Variants in PDE3A observed in about 807,000 individuals in gnomAD.
PDE3A encodes the protein phosphodiesterase 3A, also known as cGMP-inhibited 3',5'-cyclic phosphodiesterase 3A.
Under a neutral mutation model 98.3 loss-of-function variants are expected in PDE3A, and 43 were observed. The ratio of observed to expected loss-of-function variants is 0.44; its 90% CI spans 0.34 to 0.56. The LOEUF (loss-of-function observed/expected upper bound fraction) is 0.56, where lower values mean the gene tolerates loss of function less well. PDE3A is among the 20% of genes least tolerant of loss of function. PDE3A has a pLI of 0.01. For missense variants in PDE3A, 1,427 were observed against 1,440.7 expected, an observed-to-expected ratio of 0.99 and a Z score of 0.15; for synonymous variants, 663 against 567.9, an observed-to-expected ratio of 1.17 and a Z score of -2.38.
At chr12:20,433,217 C>G (rs908163416) in intron 1 of PDE3A, among the ~76,000 whole-genome samples, 1 of 152,104 alleles carries the variant, frequency 6.6e-6, no homozygotes, top group African/African-American at 2.4e-5. Flanking sequence ...TGGTGGGACA[C>G]AGCAGACCTG....
intron 4 of PDE3A, among the ~76,000 whole-genome samples, chr12:20,618,039 T>C (rs1427856251): frequency 6.6e-6 from 1 of 152,168 alleles, no homozygotes; most frequent in Non-Finnish European, 1.5e-5. Context: ...TCTCATTCTC[T>C]CATTCCTGAA....
intron 1 of PDE3A, among the ~76,000 whole-genome samples, chr12:20,373,967 G>T (rs551311212): frequency 2.6e-5 from 4 of 152,230 alleles, no homozygotes; most frequent in South Asian, 4.1e-4. Flanking sequence ...ATTCCTAAAT[G>T]CCTGTCAATG....
intron 1 of PDE3A, among the ~76,000 whole-genome samples, chr12:20,393,254 T>C (rs1195242137): frequency 6.6e-6 from 1 of 151,934 alleles, no homozygotes; most frequent in Non-Finnish European, 1.5e-5. Context: ...CTCACAATCA[T>C]GGCAGAAGGC....
intron 1 of PDE3A, among the ~76,000 whole-genome samples, chr12:20,524,625 C>T (rs965490865): frequency 6.6e-6 from 1 of 151,712 alleles, no homozygotes; most frequent in Non-Finnish European, 1.5e-5. Context: ...ATATGCATAT[C>T]ATTTAAAAAT....
intron 2 of PDE3A, among the ~76,000 whole-genome samples, chr12:20,611,161 A>G (rs1565448487): frequency 6.6e-6 from 1 of 151,892 alleles, no homozygotes. Context: ...TCAAGTATAC[A>G]CAATACAAAT....
intron 1 of PDE3A, among the ~76,000 whole-genome samples, chr12:20,461,049 C>T (rs10770663): frequency 0.36 from 54,777 of 151,682 alleles, 10,249 homozygotes; most frequent in East Asian, 0.66. Flanking sequence ...TTACATGCAA[C>T]GAGATATGCT....
At chr12:20,442,597 C>T (rs1028909556) in intron 1 of PDE3A, among the ~76,000 whole-genome samples, 15 of 152,190 alleles carry the variant, frequency 9.9e-5, no homozygotes, top group African/African-American at 2.6e-4. Context: ...AAGTGGGAGA[C>T]GCACGGAAAT....
chr12:20,458,597 G>A (rs1294410477), intron 1 of PDE3A, among the ~76,000 whole-genome samples: 1 of 152,096 alleles, frequency 6.6e-6, no homozygotes, highest in Non-Finnish European at 1.5e-5. Context: ...ACTACTATAA[G>A]CAGAAAAAAC....
chr12:20,537,529 A>G (rs778445127), intron 1 of PDE3A, among the ~76,000 whole-genome samples: 16 of 152,252 alleles, frequency 1.1e-4, no homozygotes, highest in East Asian at 5.8e-4. Context: ...AATTACAGCT[A>G]TAACATTTTG....
intron 2 of PDE3A, among the ~76,000 whole-genome samples, chr12:20,569,164 A>C (rs1942733321): frequency 6.6e-6 from 1 of 152,074 alleles, no homozygotes; most frequent in Admixed American, 6.6e-5. Flanking sequence ...CAAATATGCT[A>C]ACTTTGGTAA....
intron 6 of PDE3A, among the ~76,000 whole-genome samples, chr12:20,631,283 A>G (rs984045131): frequency 2.0e-5 from 3 of 152,174 alleles, no homozygotes; most frequent in Admixed American, 2.0e-4. Context: ...GTTCTGTAGT[A>G]AAATATTCAG....
intron 15 of PDE3A, among the ~76,000 whole-genome samples, 180 bp downstream of exon 15, chr12:20,654,385 TATA>T (rs1275249190): frequency 3.9e-5 from 6 of 152,226 alleles, no homozygotes; most frequent in Admixed American, 6.5e-5. Context: ...CTATGGAATC[TATA>T]ATAATAACAC....
intron 2 of PDE3A, among the ~76,000 whole-genome samples, chr12:20,568,688 A>G (rs1942721914): frequency 6.6e-6 from 1 of 152,000 alleles, no homozygotes; most frequent in Non-Finnish European, 1.5e-5. Context: ...TCTGTATTTG[A>G]TGCAGTATTT....
intron 15 of PDE3A, among the ~76,000 whole-genome samples, chr12:20,674,327 A>T (rs1945577452): frequency 6.6e-6 from 1 of 152,176 alleles, no homozygotes; most frequent in African/African-American, 2.4e-5. Flanking sequence ...GACTTCTAGT[A>T]CAATTTTGAA....
At chr12:20,407,669 G>A (rs1944257637) in intron 1 of PDE3A, among the ~76,000 whole-genome samples, 2 of 151,972 alleles carry the variant, frequency 1.3e-5, no homozygotes, top group Admixed American at 1.3e-4. Context: ...AGATTTTGTG[G>A]CTTATTAAAT....
At chr12:20,373,633 G>A (rs967073701) in intron 1 of PDE3A, among the ~76,000 whole-genome samples, 1 of 151,962 alleles carries the variant, frequency 6.6e-6, no homozygotes, top group Non-Finnish European at 1.5e-5. Context: ...ACCTGTTAAG[G>A]AAAATTTTAT....
At chr12:20,655,714 C>T (rs1043377351) in intron 15 of PDE3A, among the ~76,000 whole-genome samples, 8 of 152,182 alleles carry the variant, frequency 5.3e-5, no homozygotes, top group African/African-American at 9.7e-5. Flanking sequence ...GATGGGAAAT[C>T]GTCAGTGGTT....
At chr12:20,640,528 T>C (rs569999945) in intron 10 of PDE3A, among the ~76,000 whole-genome samples, 17 of 152,098 alleles carry the variant, frequency 1.1e-4, no homozygotes, top group African/African-American at 3.4e-4. Flanking sequence ...GAAGTGGTTA[T>C]GGAAAAATGA....
rs547095862 is a variant in PDE3A at position 20,567,064 on chromosome 12, G to A, written c.1011+10354G>A. Among the ~76,000 whole-genome samples, 16 of 151,938 alleles carry A rather than the reference G, an allele frequency of 1.1e-4. No individual in the cohort carries two copies. The East Asian group carries it at 2.3e-3, about 22-fold the overall frequency. ...CTAGGACAATTTAGTTTTCTTTTTC[G>A]TGGAGAAATACAGCATGACTTCAAA... On this transcript the variant is annotated intron_variant, in intron 2 of 15. Coordinates refer to ENST00000359062, the MANE Select transcript of PDE3A (RefSeq NM_000921.5).
Sources: gnomAD v4.1 joint callset for allele counts (sites outside exome capture counted in the v4.1 genomes callset) on GRCh38, gnomAD v4.1.1 for gene constraint, MANE v1.5 for transcripts, NCBI Gene and HGNC (gene_info 2026-07-23, HGNC 2026-07-21) for gene names.